Variants in BANK1 observed in about 807,000 individuals in gnomAD.
The protein encoded by BANK1 is B cell scaffold protein with ankyrin repeats 1, also known as B-cell scaffold protein with ankyrin repeats.
Under a neutral mutation model 94.5 loss-of-function variants are expected in BANK1, and 95 were observed. The ratio of observed to expected loss-of-function variants is 1.00; its 90% confidence interval spans 0.85 to 1.19. BANK1 has a LOEUF of 1.19. BANK1 is among the 50% of genes most tolerant of loss of function. The probability of loss-of-function intolerance (pLI) is 0.00; values close to 1 mark genes in which losing one functional copy is unlikely to be tolerated. For synonymous variants in BANK1, 334 were observed against 308.4 expected, an observed-to-expected ratio of 1.08 and a Z score of -0.87; for missense variants, 987 against 932.2, an observed-to-expected ratio of 1.06 and a Z score of -0.77.
At chr4:101,977,469 A>T (rs570385013) in intron 7 of BANK1, among the ~76,000 whole-genome samples, 1 of 152,246 alleles carries the variant, frequency 6.6e-6, no homozygotes, top group East Asian at 1.9e-4. Context: ...GTTAAATGTG[A>T]CTATTTGTAT....
intron 4 of BANK1, among the ~76,000 whole-genome samples, chr4:101,866,324 T>A (rs1312723436): frequency 6.6e-6 from 1 of 152,144 alleles, no homozygotes; most frequent in African/African-American, 2.4e-5. Context: ...AGAAAAAAGT[T>A]TTTTTGTCTG....
intron 5 of BANK1, among the ~76,000 whole-genome samples, chr4:101,881,287 T>G (rs746834812): frequency 3.9e-5 from 6 of 151,994 alleles, no homozygotes; most frequent in Non-Finnish European, 5.9e-5. Context: ...TAGACATTTC[T>G]CAAAAGAAGA....
intron 7 of BANK1, among the ~76,000 whole-genome samples, chr4:101,986,859 ATATATATGTGTGTATG>A (rs1725509174): frequency 2.0e-5 from 1 of 50,986 alleles, no homozygotes; most frequent in Non-Finnish European, 4.1e-5. Context: ...ATATATGTAT[ATATATATGTGTGTATG>A]TGTGTGTGTG....
In BANK1 at chr4:101,790,804, G is replaced by A; in HGVS notation, c.-77G>A. On this transcript the variant is annotated 5_prime_UTR_variant, in exon 1 of 17. Coordinates refer to ENST00000322953, the MANE Select transcript of BANK1 (RefSeq NM_017935.5). ...AGGGCCAAAGGAAGAGAAAATCGCG[G>A]GGAGTCTCTGGCCGGGAGAGTCCAG... 1 of 1,416,052 alleles carries A rather than the reference G, an allele frequency of 7.1e-7. No homozygotes were observed. The highest frequency in any genetic ancestry group is 9.6e-7 in the Non-Finnish European group (1 of 1,038,348). 87.7% of individuals were successfully genotyped at this position (1,416,052 alleles called of 1,614,324 possible).
intron 7 of BANK1, among the ~76,000 whole-genome samples, chr4:101,944,512 CCT>C: frequency 6.6e-6 from 1 of 152,002 alleles, no homozygotes; most frequent in East Asian, 1.9e-4. Context: ...CATTAGTTCC[CCT>C]GTTAGGTTTT....
chr4:101,889,042 T>C (rs1430510894), intron 5 of BANK1, among the ~76,000 whole-genome samples: 1 of 152,148 alleles, frequency 6.6e-6, no homozygotes, highest in East Asian at 1.9e-4. Flanking sequence ...TAATAAATAT[T>C]TGGGGGGATC....
chr4:102,060,427 CT>C, intron 12 of BANK1, 38 bp downstream of exon 12: 1 of 1,561,462 alleles, frequency 6.4e-7, no homozygotes, highest in Non-Finnish European at 8.6e-7. Flanking sequence ...CATTCCCTCA[CT>C]TGTGGAGCCC....
chr4:102,025,511 T>G lies in BANK1; in HGVS notation c.1594+2T>G. 1.2e-6 allele frequency: 2 copies of G among 1,607,576 alleles called. No individual in the cohort carries two copies. Among genetic ancestry groups the G allele is most frequent in the Non-Finnish European group, 1.7e-6 (2 of 1,179,546 alleles). Reference sequence around the variant, plus strand: ...AAAGACCTCACTTCACCTTACCAGGTAAGTTTAAGGTTAGAAAAAAACAAA... The same window carrying G: ...AAAGACCTCACTTCACCTTACCAGGGAAGTTTAAGGTTAGAAAAAAACAAA... On this transcript the variant is annotated splice_donor_variant, in intron 9 of 16. Coordinates refer to ENST00000322953, the MANE Select transcript of BANK1 (RefSeq NM_017935.5). LOFTEE classifies it high-confidence loss of function.
In BANK1 at chr4:102,074,701, A is replaced by T. The variant is rs1026692438; in HGVS notation, c.*702A>T. The stretch of plus-strand genomic sequence containing the variant: ...GCAATGTTATCGTCATATAATTTTC[A>T]TGTACAAATGCCACAAATAAATTGA... On this transcript the variant is annotated 3_prime_UTR_variant, in exon 17 of 17. Transcript: ENST00000322953. The T allele has an allele frequency of 5.9e-5, 9 of 152,166 alleles. No homozygotes were observed. The highest frequency in any genetic ancestry group is 1.7e-4 in the African/African-American group (7 of 41,572). The allele number at this position is 152,166 out of a possible 1,614,324, so 9.4% of individuals were successfully genotyped here.
chr4:102,059,493 G>A (rs1236075442), intron 11 of BANK1, among the ~76,000 whole-genome samples: 2 of 152,176 alleles, frequency 1.3e-5, no homozygotes, highest in Non-Finnish European at 2.9e-5. Context: ...AGAGTACATA[G>A]CATCCTTAAA....
At chr4:102,054,605 A>G (rs1476354755) in intron 11 of BANK1, among the ~76,000 whole-genome samples, 2 of 152,130 alleles carry the variant, frequency 1.3e-5, no homozygotes, top group Admixed American at 6.5e-5. Context: ...ACCAGCCAGG[A>G]CTGAGAATTA....
chr4:102,011,935 G>A (rs1281735946), intron 7 of BANK1, among the ~76,000 whole-genome samples: 1 of 152,062 alleles, frequency 6.6e-6, no homozygotes, highest in Non-Finnish European at 1.5e-5. Context: ...GAAACATAAA[G>A]GCCTTCTGAT....
intron 6 of BANK1, among the ~76,000 whole-genome samples, chr4:101,895,872 G>A (rs1287528794): frequency 1.3e-5 from 2 of 151,690 alleles, no homozygotes; most frequent in Non-Finnish European, 3.0e-5. Flanking sequence ...TGAATAAAAA[G>A]CAGGCTATGT....
intron 7 of BANK1, among the ~76,000 whole-genome samples, chr4:101,977,771 C>T (rs562938956): frequency 2.0e-5 from 3 of 152,216 alleles, no homozygotes; most frequent in Non-Finnish European, 4.4e-5. Flanking sequence ...TATATTATTT[C>T]TCCATTGTTC....
chr4:101,856,052 GGAGTTGCCT>G (rs1727667040), intron 3 of BANK1, among the ~76,000 whole-genome samples: 1 of 152,150 alleles, frequency 6.6e-6, no homozygotes, highest in South Asian at 2.1e-4. Context: ...GAGCGTTATG[GGAGTTGCCT>G]GAAGGAGTCT....
At chr4:101,900,708 A>G (rs758467745) in intron 6 of BANK1, among the ~76,000 whole-genome samples, 19 of 152,252 alleles carry the variant, frequency 1.2e-4, no homozygotes, top group Non-Finnish European at 2.4e-4. Flanking sequence ...TAACTGAAAT[A>G]GAGGTGCTAT....
intron 7 of BANK1, among the ~76,000 whole-genome samples, chr4:101,960,413 G>A (rs1450447821): frequency 2.6e-5 from 4 of 152,068 alleles, no homozygotes; most frequent in Admixed American, 6.6e-5. Flanking sequence ...TTGTCACTTG[G>A]TTAAGAATGC....
chr4:101,860,863 C>A (rs1286789997), intron 3 of BANK1, among the ~76,000 whole-genome samples: 1 of 152,184 alleles, frequency 6.6e-6, no homozygotes, highest in Non-Finnish European at 1.5e-5. Context: ...AGGAATGATG[C>A]ACACACAGGA....
intron 1 of BANK1, among the ~76,000 whole-genome samples, chr4:101,792,471 T>TGTG (rs1560576132): frequency 0.037 from 1,745 of 46,750 alleles, 34 homozygotes; most frequent in African/African-American, 0.07. Context: ...GTGTGTGTGT[T>TGTG]TTTTTTTTTT....
Sources: allele counts gnomAD v4.1 joint callset (sites outside exome capture counted in the v4.1 genomes callset), GRCh38; gene constraint gnomAD v4.1.1; transcripts MANE v1.5; gene names NCBI Gene and HGNC (gene_info 2026-07-23, HGNC 2026-07-21).